Variants in UST observed in about 807,000 individuals in gnomAD.
UST encodes uronyl 2-sulfotransferase, also known as chondroitin sulfate 2-O-sulfotransferase.
Under a neutral mutation model 45.6 loss-of-function variants are expected in UST, and 21 were observed. The observed-to-expected ratio is 0.46, with a 90% CI of 0.33 to 0.66. The LOEUF is 0.66. UST is among the 30% of genes least tolerant of loss of function. UST has a pLI of 0.02. For missense variants in UST, 463 were observed against 512.4 expected, an observed-to-expected ratio of 0.90 and a Z score of 0.93; for synonymous variants, 215 against 200.6, an observed-to-expected ratio of 1.07 and a Z score of -0.61.
rs34342100 is a variant in UST at position 148,748,399 on chromosome 6, TTG to T, written c.247+775_247+776del. On this transcript the variant is annotated intron_variant, in intron 1 of 7. Coordinates refer to ENST00000367463, the MANE Select transcript of UST (RefSeq NM_005715.3). This position sits in a 1 kb window ranked among gnomAD's most constrained non-coding sequence, Gnocchi z 5.3. ...GTGCGTCTCAAGCTCAAGTCAAAACTTGTGTGTGTGTGTGTGTGTGTGTGTGT... is the reference window on the plus strand; with the variant it reads ...GTGCGTCTCAAGCTCAAGTCAAAACTTGTGTGTGTGTGTGTGTGTGTGTGT... 0.1 allele frequency among the ~76,000 whole-genome samples: 13,104 copies of T among 126,898 alleles called. 601 individuals are homozygous for T. The highest frequency in any genetic ancestry group is 0.12 in the East Asian group (472 of 3,938). 83.3% of individuals were successfully genotyped at this position (126,898 alleles called of 152,430 possible). A position where few individuals can be genotyped will look rare whatever the true frequency, so the allele number is the denominator to read the frequency against.
chr6:148,800,298 A>G (rs1431473207), intron 1 of UST, among the ~76,000 whole-genome samples: 1 of 152,210 alleles, frequency 6.6e-6, no homozygotes, highest in Non-Finnish European at 1.5e-5. Context: ...AAATTACCGA[A>G]CACAGGGCCT....
At chr6:148,829,975 A>G (rs2114757114) in intron 1 of UST, among the ~76,000 whole-genome samples, 1 of 152,214 alleles carries the variant, frequency 6.6e-6, no homozygotes, top group South Asian at 2.1e-4. Flanking sequence ...GTTAACATTT[A>G]AAAACCACCA....
At chr6:148,815,504 A>G (rs1263798143) in intron 1 of UST, among the ~76,000 whole-genome samples, 2 of 152,192 alleles carry the variant, frequency 1.3e-5, no homozygotes, top group Non-Finnish European at 1.5e-5. Context: ...TTTTAACCAT[A>G]CGGTCCCAGT....
At chr6:148,826,490 T>C (rs1207081528) in intron 1 of UST, among the ~76,000 whole-genome samples, 1 of 152,168 alleles carries the variant, frequency 6.6e-6, no homozygotes. Context: ...TGATTGTCAT[T>C]ATACAAAAAT....
At chr6:148,910,257 C>G (rs1214936657) in intron 2 of UST, among the ~76,000 whole-genome samples, 4 of 151,692 alleles carry the variant, frequency 2.6e-5, no homozygotes, top group African/African-American at 9.7e-5. Context: ...TCTTCTGCCT[C>G]AGCCTCCCAA....
intron 1 of UST, among the ~76,000 whole-genome samples, chr6:148,765,219 G>A (rs1177139912): frequency 2.0e-5 from 3 of 152,044 alleles, no homozygotes; most frequent in African/African-American, 4.8e-5. Flanking sequence ...TATTGAATAG[G>A]GTATCCTTTC....
At chr6:148,871,325 G>A (rs1284694597) in intron 1 of UST, among the ~76,000 whole-genome samples, 1 of 152,034 alleles carries the variant, frequency 6.6e-6, no homozygotes, top group Non-Finnish European at 1.5e-5. Flanking sequence ...CCACCTAGTC[G>A]GTGGCAATTT....
At chr6:148,881,641 A>G (rs937776443) in intron 1 of UST, among the ~76,000 whole-genome samples, 5 of 152,010 alleles carry the variant, frequency 3.3e-5, no homozygotes, top group African/African-American at 1.2e-4. Flanking sequence ...CCTTCCCCGA[A>G]TTTAGATCTT....
chr6:148,857,059 G>A (rs1778218956), intron 1 of UST, among the ~76,000 whole-genome samples: 1 of 151,414 alleles, frequency 6.6e-6, no homozygotes, highest in African/African-American at 2.4e-5. Flanking sequence ...GGGAATGAAT[G>A]TAGGTGTAGT....
intron 1 of UST, among the ~76,000 whole-genome samples, chr6:148,827,063 A>G (rs569980873): frequency 1.1e-4 from 16 of 152,232 alleles, no homozygotes; most frequent in African/African-American, 3.6e-4. Context: ...CCATTATTCT[A>G]CCTACCAATA....
At chr6:148,778,737 A>G (rs1217374806) in intron 1 of UST, among the ~76,000 whole-genome samples, 1 of 152,142 alleles carries the variant, frequency 6.6e-6, no homozygotes, top group Non-Finnish European at 1.5e-5. Context: ...AGCCATCATC[A>G]CTGACATTGT....
At chr6:148,991,181 T>C (rs1781344329) in intron 5 of UST, among the ~76,000 whole-genome samples, 1 of 152,078 alleles carries the variant, frequency 6.6e-6, no homozygotes, top group African/African-American at 2.4e-5. Context: ...GGTCCACAGA[T>C]CCCCACAAAA....
chr6:149,053,999 C>T (rs1776527546), intron 7 of UST, among the ~76,000 whole-genome samples: 1 of 152,144 alleles, frequency 6.6e-6, no homozygotes, highest in Non-Finnish European at 1.5e-5. Flanking sequence ...CATCTGTCAC[C>T]CCTGTCCAAG....
chr6:148,824,427 A>G (rs533751904), intron 1 of UST, among the ~76,000 whole-genome samples: 90 of 152,292 alleles, frequency 5.9e-4, no homozygotes, highest in African/African-American at 2.1e-3. Context: ...TCAGCAAAAC[A>G]AGAGTCTTCT....
intron 2 of UST, among the ~76,000 whole-genome samples, chr6:148,899,027 G>C (rs910474160): frequency 7.2e-5 from 11 of 151,834 alleles, no homozygotes; most frequent in African/African-American, 2.4e-4. Flanking sequence ...TTGCCTCAGG[G>C]CTCTGCAAGT....
In UST at chr6:148,949,436, T is replaced by TAATAATAA. The variant is rs1562309750; in HGVS notation, c.448-4436_448-4435insAATAATAA. On this transcript the variant is annotated intron_variant, in intron 3 of 7. Transcript: ENST00000367463. Reference sequence around the variant, plus strand: ...AATAATAATAATAATAATAATAATATTACTTATTCATGGGGTTCTTGTGAG... The same window carrying TAATAATAA: ...AATAATAATAATAATAATAATAATATAATAATAATACTTATTCATGGGGTTCTTGTGAG... Among the ~76,000 whole-genome samples the TAATAATAA allele has an allele frequency of 1.6e-4, 8 of 50,390 alleles. No individual in the cohort carries two copies. The South Asian group carries it at 2.9e-3, about 18-fold the overall frequency. 33.1% of individuals were successfully genotyped at this position (50,390 alleles called of 152,430 possible). A position where few individuals can be genotyped will look rare whatever the true frequency, so the allele number is the denominator to read the frequency against.
intron 7 of UST, among the ~76,000 whole-genome samples, chr6:149,067,705 T>G (rs975103237): frequency 1.3e-5 from 2 of 152,140 alleles, no homozygotes; most frequent in African/African-American, 4.8e-5. Context: ...CATTACTGTA[T>G]AAAAGTTGGA....
chr6:148,829,527 T>G (rs1180036635), intron 1 of UST, among the ~76,000 whole-genome samples: 1 of 152,158 alleles, frequency 6.6e-6, no homozygotes, highest in Admixed American at 6.5e-5. Context: ...ACTTCCAAAA[T>G]CCGGCTCAAA....
intron 2 of UST, among the ~76,000 whole-genome samples, chr6:148,927,096 A>G (rs1193768230): frequency 2.0e-5 from 3 of 152,094 alleles, no homozygotes; most frequent in Admixed American, 6.6e-5. Flanking sequence ...TCCATCATTC[A>G]GTTGTCCTTA....
Sources: gnomAD v4.1 joint callset for allele counts (sites outside exome capture counted in the v4.1 genomes callset) on GRCh38, gnomAD v4.1.1 for gene constraint, Gnocchi (gnomAD v3.1) non-coding constraint, MANE v1.5 for transcripts, NCBI Gene and HGNC (gene_info 2026-07-23, HGNC 2026-07-21) for gene names.